GOLGA1: variants seen among roughly 807,000 people sequenced by gnomAD.
GOLGA1 encodes golgin subfamily A member 1.
GOLGA1 carries 63 observed loss-of-function variants against 119.7 expected under a neutral mutation model. The observed-to-expected ratio is 0.53, with a 90% CI of 0.43 to 0.65. The LOEUF (loss-of-function observed/expected upper bound fraction) is 0.65, where lower values mean the gene tolerates loss of function less well. Among genes scored for constraint, GOLGA1 ranks in the 30% least tolerant of loss-of-function variants. GOLGA1 has a pLI of 0.00. For synonymous variants in GOLGA1, 318 were observed against 333.4 expected (o/e 0.95, Z 0.50); for missense variants, 798 against 912.8 (o/e 0.87, Z 1.62).
At chr9:124,906,899 A>C (rs139309879) in intron 12 of GOLGA1, among the ~76,000 whole-genome samples, 199 of 152,350 alleles carry the variant, frequency 1.3e-3, no homozygotes, top group African/African-American at 4.4e-3. Flanking sequence ...TAAATGGAAT[A>C]TATTTACATT....
intron 3 of GOLGA1, among the ~76,000 whole-genome samples, chr9:124,933,628 TG>T (rs1217036830): frequency 6.6e-6 from 1 of 152,204 alleles, no homozygotes; most frequent in Non-Finnish European, 1.5e-5. Context: ...TTGGCCAGGC[TG>T]GTCTCAAATT....
At chr9:124,942,951 G>C (rs1831082270), upstream of GOLGA1, 1 of 152,214 alleles carries the variant, frequency 6.6e-6, no homozygotes, top group Non-Finnish European at 1.5e-5. Flanking sequence ...TAGTGAAGTA[G>C]TGGAAGGCTA....
chr9:124,887,140 C>T (rs1829742232), intron 19 of GOLGA1, among the ~76,000 whole-genome samples: 1 of 152,194 alleles, frequency 6.6e-6, no homozygotes. Flanking sequence ...CAGACACAGA[C>T]CCGACGCTGA....
chr9:124,922,947 A>C (rs989323372), intron 8 of GOLGA1, 148 bp downstream of exon 8: 21 of 507,186 alleles, frequency 4.1e-5, no homozygotes, highest in African/African-American at 4.0e-4. Context: ...TAATAAATTT[A>C]AAAACATACA....
intron 20 of GOLGA1, among the ~76,000 whole-genome samples, chr9:124,882,214 CCA>C (rs140546216): frequency 5.3e-4 from 81 of 151,864 alleles, no homozygotes; most frequent in African/African-American, 1.8e-3. Flanking sequence ...AAGCACTCTG[CCA>C]CACACACACA....
rs1831143257 is a variant in GOLGA1, at chr9:124,946,188, TG to T, written c.-156+1729del. 6.6e-6 allele frequency: 1 copy of T among 152,198 alleles called. No homozygotes were observed. The highest frequency in any genetic ancestry group is 2.1e-4 in the South Asian group (1 of 4,832). 9.4% of individuals were successfully genotyped at this position (152,198 alleles called of 1,614,324 possible). A position where few individuals can be genotyped will look rare whatever the true frequency, so the allele number is the denominator to read the frequency against. ...ACTCTCCAGTGCAAAAACAATGATT[TG>T]GTTATTCAAACAACAAACCATCAGA... On this transcript the variant is annotated intron_variant, in intron 1 of 4. Coordinates refer to the GOLGA1 transcript ENST00000421514. The surrounding 1 kb of genome is among the most constrained non-coding windows in gnomAD (Gnocchi z 4.0).
At position 124,890,296 on chromosome 9, in the gene GOLGA1, G is replaced by C. The variant is rs201754037; in HGVS notation, c.1497+93C>G. On this transcript the variant is annotated intron_variant, in intron 16 of 22. Transcript: ENST00000373555. ...TGAGTCTACTACCCTACCCTGGAGAGACAGGCCCTCTCCAACAGTCTCACG... is the reference window on the plus strand; with the variant it reads ...TGAGTCTACTACCCTACCCTGGAGACACAGGCCCTCTCCAACAGTCTCACG... 4 of 870,476 alleles carry C rather than the reference G, an allele frequency of 4.6e-6. No individual in the cohort carries two copies. The East Asian group carries it at 9.7e-5, about 21-fold the overall frequency. 53.9% of individuals were successfully genotyped at this position (870,476 alleles called of 1,614,324 possible).
At chr9:124,899,658 T>C (rs530577820) in intron 13 of GOLGA1, among the ~76,000 whole-genome samples, 180 bp from the exon 14 acceptor site, 230 of 152,310 alleles carry the variant, frequency 1.5e-3, no homozygotes, top group African/African-American at 5.1e-3. Context: ...GACCCTGGCC[T>C]GTCCAGAAGA....
chr9:124,928,180 T>C lies in GOLGA1; in HGVS notation c.399+8A>G. ...CACCAGTTCTGGGCAGTGCCACATA[T>C]AAAATACCTGGTCCTTTCTGGCTAA... On this transcript the variant is annotated splice_region_variant and intron_variant, in intron 6 of 22. Coordinates refer to ENST00000373555, the MANE Select transcript of GOLGA1 (RefSeq NM_002077.4). The C allele has an allele frequency of 2.1e-6, 3 of 1,430,736 alleles. No homozygotes were observed. Among genetic ancestry groups the C allele is most frequent in the Non-Finnish European group, 2.0e-6 (2 of 1,019,622 alleles). The allele number at this position is 1,430,736 out of a possible 1,614,324, so 88.6% of individuals were successfully genotyped here.
chr9:124,898,554 GCTT>G lies in GOLGA1; in HGVS notation c.1399_1401del (p.Lys467del), dbSNP rs1428031284. Reference sequence around the variant, plus strand: ...TGATTCAATTAGATAAATACCTTCAGCTTCTTTAGTTCAAATTGGTGATTTTGT... The same window carrying G: ...TGATTCAATTAGATAAATACCTTCAGCTTTAGTTCAAATTGGTGATTTTGT... On this transcript the variant is annotated inframe_deletion, in exon 15 of 23. Coordinates refer to ENST00000373555, the MANE Select transcript of GOLGA1 (RefSeq NM_002077.4). 8.4e-6 allele frequency: 13 copies of G among 1,543,860 alleles called. No individual in the cohort carries two copies. Among genetic ancestry groups the G allele is most frequent in the Middle Eastern group, 1.7e-4 (1 of 5,926 alleles).
intron 7 of GOLGA1, among the ~76,000 whole-genome samples, chr9:124,924,365 C>T (rs939408072): frequency 6.6e-6 from 1 of 152,122 alleles, no homozygotes; most frequent in Non-Finnish European, 1.5e-5. Flanking sequence ...GCAGTGGACT[C>T]TTGCCTCTAA....
At chr9:124,882,012 C>A in intron 20 of GOLGA1, 58 bp from the exon 21 acceptor site, 1 of 1,295,666 alleles carries the variant, frequency 7.7e-7, no homozygotes, top group South Asian at 1.4e-5. Flanking sequence ...TGGAAAAAAT[C>A]ACACGGGAGG....
rs556141759 is a variant in GOLGA1 at position 124,923,024 on chromosome 9, A to G, written c.561+71T>C. ...GGTGTATGTTTATCAGCAATTAGAG[A>G]GTGATGACTAGTAAAATCAGAGTGA... On this transcript the variant is annotated intron_variant, in intron 8 of 22. Transcript: ENST00000373555. 34 of 943,994 alleles carry G rather than the reference A, an allele frequency of 3.6e-5. No individual in the cohort carries two copies. The East Asian group carries it at 7.4e-4, about 21-fold the overall frequency. 58.5% of individuals were successfully genotyped at this position (943,994 alleles called of 1,614,324 possible). A position where few individuals can be genotyped will look rare whatever the true frequency, so the allele number is the denominator to read the frequency against.
At chr9:124,935,540 T>C (rs1419401717) in intron 3 of GOLGA1, among the ~76,000 whole-genome samples, 3 of 152,148 alleles carry the variant, frequency 2.0e-5, no homozygotes, top group African/African-American at 7.2e-5. Flanking sequence ...AAGCTGCCTG[T>C]AATCCTAGCA....
At chr9:124,900,409 A>G in intron 13 of GOLGA1, 43 bp downstream of exon 13, 1 of 980,464 alleles carries the variant, frequency 1.0e-6, no homozygotes, top group Non-Finnish European at 1.7e-6. Flanking sequence ...CTGGAGAGAA[A>G]GCATTAAGGG....
At chr9:124,945,948 A>G (rs529636833), upstream of GOLGA1, 3 of 152,314 alleles carry the variant, frequency 2.0e-5, no homozygotes, top group African/African-American at 7.2e-5. Context: ...ATAAGAGCGC[A>G]GGAGACTGGG....
intron 3 of GOLGA1, among the ~76,000 whole-genome samples, chr9:124,937,264 C>T (rs2131540523): frequency 6.6e-6 from 1 of 152,142 alleles, no homozygotes; most frequent in South Asian, 2.1e-4. Flanking sequence ...CCAGCCTGGC[C>T]AACACAGTGA....
chr9:124,944,651 G>T (rs987878957), upstream of GOLGA1: 7 of 151,900 alleles, frequency 4.6e-5, no homozygotes, highest in Admixed American at 4.6e-4. Flanking sequence ...GCAATTAGTA[G>T]CATGCTTCTT....
chr9:124,916,187 ATTGTG>A (rs1830442193), intron 10 of GOLGA1, among the ~76,000 whole-genome samples: 1 of 151,684 alleles, frequency 6.6e-6, no homozygotes, highest in Non-Finnish European at 1.5e-5. Flanking sequence ...CCATGAAAAT[ATTGTG>A]TTAAGTACAA....
Sources: gnomAD v4.1 joint callset for allele counts (sites outside exome capture counted in the v4.1 genomes callset) on GRCh38, gnomAD v4.1.1 for gene constraint, Gnocchi (gnomAD v3.1) non-coding constraint, MANE v1.5 for transcripts, NCBI Gene and HGNC (gene_info 2026-07-23, HGNC 2026-07-21) for gene names.